SLC13A2: variants seen among roughly 807,000 people sequenced by gnomAD.
SLC13A2 encodes Na(+)-coupled citrate transporter.
In SLC13A2, 40 loss-of-function variants were observed where a neutral mutation model predicts 58.5. The ratio of observed to expected loss-of-function variants is 0.68; its 90% confidence interval spans 0.53 to 0.89. The LOEUF (loss-of-function observed/expected upper bound fraction) is 0.89, where lower values mean the gene tolerates loss of function less well. SLC13A2 is among the 40% of genes least tolerant of loss of function. SLC13A2 has a pLI of 0.00. For missense variants in SLC13A2, 694 were observed against 772.6 expected, an observed-to-expected ratio of 0.90 and a Z score of 1.21; for synonymous variants, 341 against 331.6, an observed-to-expected ratio of 1.03 and a Z score of -0.31.
chr17:28,492,542 T>C (rs1200798751), intron 6 of SLC13A2, among the ~76,000 whole-genome samples: 2 of 152,240 alleles, frequency 1.3e-5, no homozygotes, highest in Non-Finnish European at 2.9e-5. Context: ...ACTCTAGTTC[T>C]GCAGGACTAA....
intron 1 of SLC13A2, among the ~76,000 whole-genome samples, chr17:28,477,387 G>T (rs560805681): frequency 6.6e-6 from 1 of 151,492 alleles, no homozygotes; most frequent in African/African-American, 2.4e-5. Context: ...GTAGAGACGG[G>T]GTTTCACCGT....
chr17:28,475,499 A>G (rs1166991821), intron 1 of SLC13A2, among the ~76,000 whole-genome samples: 5 of 152,210 alleles, frequency 3.3e-5, no homozygotes, highest in Admixed American at 1.3e-4. Flanking sequence ...TCTTAAACAA[A>G]CAAGAGCTCT....
intron 1 of SLC13A2, among the ~76,000 whole-genome samples, chr17:28,478,238 G>A (rs1469167889): frequency 1.3e-5 from 2 of 152,194 alleles, no homozygotes; most frequent in Non-Finnish European, 2.9e-5. Context: ...GGAGGCCGGT[G>A]GTGCCCCCGC....
At position 28,495,796 on chromosome 17, in the gene SLC13A2, C is replaced by T; in HGVS notation, c.1450C>T (p.Leu484=). 6.2e-7 allele frequency: 1 copy of T among 1,613,240 alleles called. No individual in the cohort carries two copies. Among genetic ancestry groups the T allele is most frequent in the Non-Finnish European group, 8.5e-7 (1 of 1,179,808 alleles). ...TSNVATTTIF[L]PILASMAQAI... ...CAACGTGGCCACCACTACGATCTTC[C>T]TGCCCATCCTAGCCTCCATGGTGAG... The change falls in exon 10 of 12, where the codon CTG becomes TTG. Residue 484 remains leucine, a synonymous_variant. Coordinates refer to ENST00000314669, the MANE Select transcript of SLC13A2 (RefSeq NM_003984.4).
Position 28,497,403 on chromosome 17 carries a change from T to C in SLC13A2, c.*134T>C, listed in dbSNP as rs1410448709. 1.0e-6 allele frequency: 1 copy of C among 954,668 alleles called. No individual in the cohort carries two copies. Among genetic ancestry groups the C allele is most frequent in the Non-Finnish European group, 1.5e-6 (1 of 651,388 alleles). The allele number at this position is 954,668 out of a possible 1,614,324, so 59.1% of individuals were successfully genotyped here. On this transcript the variant is annotated 3_prime_UTR_variant, in exon 12 of 12. Transcript: ENST00000314669. ...AAAGGCACGTGTGTACATAATCTCT[T>C]GCGTGTCTGTAAGGAAGGGGTGTAT... is the stretch of plus-strand genomic sequence containing the variant.
chr17:28,491,291 C>A, intron 4 of SLC13A2, 146 bp from the exon 5 acceptor site: 3 of 838,000 alleles, frequency 3.6e-6, no homozygotes, highest in South Asian at 1.7e-5. Flanking sequence ...CTGGGCCCCT[C>A]AGGCCTGGAG....
rs148077915 is a variant in SLC13A2 at position 28,490,459 on chromosome 17, C to T, written c.237C>T (p.Ala79=). 154 of 1,614,016 alleles carry T rather than the reference C, an allele frequency of 9.5e-5. No individual in the cohort carries two copies. In the African/African-American group the frequency reaches 1.6e-3, roughly 16 times the overall value. Residue 79 remains alanine (A), a synonymous_variant, in exon 3 of 12, where the codon GCC becomes GCT. Transcript: ENST00000314669. ...GCCATGTCTCCACCTGCCAGGTTGC[C>T]GTCGAGTATCTTAAGGACTCCAACC... ...MMGIVDASEV[A]VEYLKDSNLL... is the part of the protein sequence containing the mutation.
At chr17:28,495,628 T>C (rs1555604467) in intron 9 of SLC13A2, 27 bp from the exon 10 acceptor site, 12 of 1,598,092 alleles carry the variant, frequency 7.5e-6, no homozygotes, top group Non-Finnish European at 1.0e-5. Flanking sequence ...GCCTTGCCTC[T>C]CACATGCCAT....
chr17:28,480,990 G>T lies in SLC13A2; in HGVS notation c.102+7176G>T, dbSNP rs188130443. Among the ~76,000 whole-genome samples, 373 of 152,214 alleles carry T rather than the reference G, an allele frequency of 2.5e-3. 3 individuals are homozygous for T. Among genetic ancestry groups the T allele is most frequent in the Middle Eastern group, 3.4e-3 (1 of 294 alleles). ...AAGGACCCAGCCTCAAAGGCCAGGG[G>T]GATCCCTGGCGTAGAGTCCCCAACT... On this transcript the variant is annotated intron_variant, in intron 1 of 11. Transcript: ENST00000314669.
chr17:28,497,230 C>T lies in SLC13A2; in HGVS notation c.1740C>T (p.Cys580=). 1 of 1,614,100 alleles carries T rather than the reference C, an allele frequency of 6.2e-7. No individual in the cohort carries two copies. Among genetic ancestry groups the T allele is most frequent in the Non-Finnish European group, 8.5e-7 (1 of 1,179,970 alleles). Residue 580 remains cysteine, a synonymous_variant, in exon 12 of 12, where the codon TGC becomes TGT. Coordinates refer to ENST00000314669, the MANE Select transcript of SLC13A2 (RefSeq NM_003984.4). ...CACAGTCCAACACCACAGCCCAGTGCCTGCCAAGCCTGGCCAACACCACCA... is the reference window on the plus strand; with the variant it reads ...CACAGTCCAACACCACAGCCCAGTGTCTGCCAAGCCTGGCCAACACCACCA... The part of the protein sequence containing the change: ...SWAQSNTTAQ[C]LPSLANTTTP...
At chr17:28,490,248 T>C (rs782293830) in intron 2 of SLC13A2, 28 of 1,468,156 alleles carry the variant, frequency 1.9e-5, no homozygotes, top group Non-Finnish European at 2.5e-5. Flanking sequence ...CATTCCAGCC[T>C]GGGCAACAGA....
chr17:28,477,098 T>G (rs12937391), intron 1 of SLC13A2, among the ~76,000 whole-genome samples: 1 of 151,448 alleles, frequency 6.6e-6, no homozygotes. Flanking sequence ...AGGAGGAGGT[T>G]GCAGTGAGCT....
intron 1 of SLC13A2, among the ~76,000 whole-genome samples, chr17:28,479,389 T>A (rs2068744576): frequency 6.6e-6 from 1 of 151,964 alleles, no homozygotes; most frequent in Non-Finnish European, 1.5e-5. Flanking sequence ...CTCACTAGAT[T>A]GCTTAAGTCA....
chr17:28,493,725 A>G lies in SLC13A2; in HGVS notation c.1033A>G (p.Thr345Ala), dbSNP rs1329188838. 4.3e-6 allele frequency: 7 copies of G among 1,614,010 alleles called. No individual in the cohort carries two copies. Among genetic ancestry groups the G allele is most frequent in the Non-Finnish European group, 5.1e-6 (6 of 1,180,026 alleles). The change falls in exon 7 of 12, where the codon ACC (threonine) becomes GCC (alanine). Residue 345 changes from threonine (T) to alanine (A), a missense_variant. Thr to Ala is a moderately conservative substitution (Grantham distance 58). Transcript: ENST00000314669. ...CGTCATCCTGGTGCTGCTCTGGTTC[A>G]CCCGGGAGCCGGGCTTTTTTCTTGG... ...LFVILVLLWF[T>A]REPGFFLGWG...
At chr17:28,490,054 A>G (rs2068972296) in intron 2 of SLC13A2, among the ~76,000 whole-genome samples, 1 of 152,218 alleles carries the variant, frequency 6.6e-6, no homozygotes, top group Non-Finnish European at 1.5e-5. Context: ...CGGGTGGATC[A>G]CTTGAGCTCA....
rs782343419 is a variant in SLC13A2, at chr17:28,493,574, C to G, written c.882C>G (p.Phe294Leu). The G allele has an allele frequency of 2.5e-6, 4 of 1,601,586 alleles. No individual in the cohort carries two copies. Among genetic ancestry groups the G allele is most frequent in the Non-Finnish European group, 3.4e-6 (4 of 1,170,918 alleles). ...WLQILFLGFN[F>L]RKNFGIGEKM... The stretch of plus-strand genomic sequence containing the variant: ...TGCCCCGTCCCTCTGCCTGCAGCTT[C>G]CGGAAGAACTTTGGCATTGGGGAAA... The change falls in exon 7 of 12, where the codon TTC becomes TTG. Residue 294 changes from phenylalanine to leucine, a missense_variant. Transcript: ENST00000314669.
chr17:28,496,503 C>A lies in SLC13A2; in HGVS notation c.1524C>A (p.Ala508=). 6.2e-7 allele frequency: 1 copy of A among 1,613,582 alleles called. No individual in the cohort carries two copies. The highest frequency in any genetic ancestry group is 8.5e-7 in the Non-Finnish European group (1 of 1,179,672). Reference sequence around the variant, plus strand: ...ACGTCATGCTCCCCTGCACTCTGGCCACCTCCCTGGCCTTCATGTTGCCTG... The same window carrying A: ...ACGTCATGCTCCCCTGCACTCTGGCAACCTCCCTGGCCTTCATGTTGCCTG... ...PLYVMLPCTL[A]TSLAFMLPVA... Residue 508 remains alanine, a synonymous_variant, in exon 11 of 12, where the codon GCC becomes GCA. Transcript: ENST00000314669. This position sits in a 1 kb window ranked among gnomAD's most constrained non-coding sequence, Gnocchi z 4.2.
intron 1 of SLC13A2, among the ~76,000 whole-genome samples, chr17:28,474,196 A>AAGG (rs1385944517): frequency 6.6e-6 from 1 of 152,084 alleles, no homozygotes; most frequent in African/African-American, 2.4e-5. Flanking sequence ...ACGGCTGGGT[A>AAGG]AGCAGCAGCA....
chr17:28,479,567 T>C (rs918812079), intron 1 of SLC13A2, among the ~76,000 whole-genome samples: 3 of 152,210 alleles, frequency 2.0e-5, no homozygotes, highest in Non-Finnish European at 4.4e-5. Context: ...CCCAAAGGCA[T>C]CTGTAAAAAC....
Sources: allele counts gnomAD v4.1 joint callset (sites outside exome capture counted in the v4.1 genomes callset), GRCh38; gene constraint gnomAD v4.1.1; non-coding constraint Gnocchi (gnomAD v3.1); transcripts MANE v1.5; gene names NCBI Gene and HGNC (gene_info 2026-07-23, HGNC 2026-07-21).